Variants in ITGA8 observed in about 807,000 individuals in gnomAD.
ITGA8 encodes integrin alpha-8.
ITGA8 carries 91 observed loss-of-function variants against 142.3 expected under a neutral mutation model. The ratio of observed to expected loss-of-function variants is 0.64; its 90% CI spans 0.54 to 0.76. The LOEUF (loss-of-function observed/expected upper bound fraction) is 0.76, where lower values mean the gene tolerates loss of function less well. Among genes scored for constraint, ITGA8 ranks in the 30% least tolerant of loss-of-function variants. The pLI is 0.00. For missense variants in ITGA8, 1,406 were observed against 1,327.7 expected, an observed-to-expected ratio of 1.06 and a Z score of -0.92; for synonymous variants, 505 against 485.2, an observed-to-expected ratio of 1.04 and a Z score of -0.54.
At chr10:15,523,003 C>A (rs1407176477) in intron 28 of ITGA8, among the ~76,000 whole-genome samples, 2 of 149,844 alleles carry the variant, frequency 1.3e-5, no homozygotes, top group African/African-American at 2.5e-5. Context: ...TTGACAGAGC[C>A]AGGCTCAGTC....
chr10:15,605,576 G>T, intron 19 of ITGA8, 148 bp downstream of exon 19: 1 of 661,636 alleles, frequency 1.5e-6, no homozygotes, highest in Non-Finnish European at 2.7e-6. Flanking sequence ...CAAACCACAG[G>T]CTAACCCAAA....
chr10:15,692,597 G>A (rs1834956082), intron 2 of ITGA8, among the ~76,000 whole-genome samples: 1 of 152,148 alleles, frequency 6.6e-6, no homozygotes, highest in African/African-American at 2.4e-5. Flanking sequence ...TGTGTTAGCA[G>A]GAATCAGCAT....
At position 15,653,930 on chromosome 10, in the gene ITGA8, G is replaced by T. The variant is rs368948334; in HGVS notation, c.1001+1424C>A. 1.2e-4 allele frequency among the ~76,000 whole-genome samples: 18 copies of T among 151,754 alleles called. No homozygotes were observed. The East Asian group carries it at 3.1e-3, about 26-fold the overall frequency. On this transcript the variant is annotated intron_variant, in intron 11 of 29. Transcript: ENST00000378076. ...GCTCACTGCAACCTCTGCCTCCTGG[G>T]TTCAAGGGATTATCCTGCCTCAGCC... is the stretch of plus-strand genomic sequence containing the variant.
chr10:15,611,151 C>T (rs778409377), intron 15 of ITGA8, among the ~76,000 whole-genome samples: 7 of 152,160 alleles, frequency 4.6e-5, no homozygotes, highest in Middle Eastern at 3.4e-3. Context: ...AGAAAATCAA[C>T]GGAGACCTTT....
chr10:15,520,698 A>G (rs373499071), intron 28 of ITGA8, among the ~76,000 whole-genome samples: 1 of 152,330 alleles, frequency 6.6e-6, no homozygotes, highest in East Asian at 1.9e-4. Context: ...AGAGCGCTAC[A>G]TTATTCTTGG....
At chr10:15,672,394 GC>G (rs1238140576) in intron 7 of ITGA8, among the ~76,000 whole-genome samples, 1 of 152,138 alleles carries the variant, frequency 6.6e-6, no homozygotes, top group African/African-American at 2.4e-5. Flanking sequence ...TAGTTCATGT[GC>G]AAAAAACTGC....
chr10:15,708,666 A>G (rs151209742), intron 2 of ITGA8, among the ~76,000 whole-genome samples: 4 of 152,368 alleles, frequency 2.6e-5, no homozygotes, highest in African/African-American at 9.6e-5. Flanking sequence ...TAAAGATGGT[A>G]GATACAATTT....
chr10:15,688,699 C>T (rs1408678807), intron 2 of ITGA8, among the ~76,000 whole-genome samples: 1 of 152,138 alleles, frequency 6.6e-6, no homozygotes, highest in African/African-American at 2.4e-5. Context: ...GTCAACATAG[C>T]AAATCAATAC....
At chr10:15,687,282 T>C (rs1187578543) in intron 3 of ITGA8, among the ~76,000 whole-genome samples, 1 of 152,008 alleles carries the variant, frequency 6.6e-6, no homozygotes, top group African/African-American at 2.4e-5. Flanking sequence ...GTAAGGAAAT[T>C]AAAGCCAATA....
At chr10:15,544,719 T>A (rs1402525905) in intron 27 of ITGA8, among the ~76,000 whole-genome samples, 4 of 152,190 alleles carry the variant, frequency 2.6e-5, no homozygotes, top group African/African-American at 7.2e-5. Context: ...CACCCTTGTG[T>A]GGGTGCCTCG....
chr10:15,708,607 A>G (rs542765283), intron 2 of ITGA8, among the ~76,000 whole-genome samples: 1 of 152,276 alleles, frequency 6.6e-6, no homozygotes, highest in East Asian at 1.9e-4. Flanking sequence ...TTTTAATCAC[A>G]TTTCCCAAAG....
intron 8 of ITGA8, among the ~76,000 whole-genome samples, chr10:15,666,592 G>T (rs951931137): frequency 2.6e-5 from 4 of 152,136 alleles, no homozygotes; most frequent in African/African-American, 9.7e-5. Flanking sequence ...TCCCTGTCTT[G>T]TGCCAGTTTT....
intron 28 of ITGA8, among the ~76,000 whole-genome samples, chr10:15,522,478 G>A (rs377053778): frequency 6.6e-6 from 1 of 152,282 alleles, no homozygotes; most frequent in East Asian, 1.9e-4. Flanking sequence ...TGGAACTGAA[G>A]GGGACAGTAG....
intron 13 of ITGA8, among the ~76,000 whole-genome samples, chr10:15,640,104 C>T (rs891805366): frequency 1.3e-5 from 2 of 152,184 alleles, no homozygotes; most frequent in African/African-American, 2.4e-5. Flanking sequence ...GAACTGCAAC[C>T]GCTTGCAAAA....
At chr10:15,576,249 TGA>T (rs986080621) in intron 23 of ITGA8, among the ~76,000 whole-genome samples, 8 of 152,046 alleles carry the variant, frequency 5.3e-5, no homozygotes, top group Admixed American at 3.3e-4. Context: ...ATCTCAAGTG[TGA>T]GAGAGAGACA....
intron 26 of ITGA8, among the ~76,000 whole-genome samples, chr10:15,553,360 A>G (rs1833827098): frequency 6.7e-6 from 1 of 150,080 alleles, no homozygotes; most frequent in South Asian, 2.1e-4. Context: ...ATCATAACAA[A>G]TGCTTCATTT....
At chr10:15,529,097 T>C (rs1588626073) in intron 28 of ITGA8, among the ~76,000 whole-genome samples, 1 of 151,898 alleles carries the variant, frequency 6.6e-6, no homozygotes, top group African/African-American at 2.4e-5. Context: ...TCTTCCCTTC[T>C]TCCTTCCTTT....
chr10:15,558,060 C>T lies in ITGA8; in HGVS notation c.2766+14G>A. 6.2e-7 allele frequency: 1 copy of T among 1,613,652 alleles called. No homozygotes were observed. The highest frequency in any genetic ancestry group is 8.5e-7 in the Non-Finnish European group (1 of 1,180,004). On this transcript the variant is annotated intron_variant, in intron 26 of 29. Transcript: ENST00000378076. ...CTCATTTCCCTCAGTTCTATGCACA[C>T]TGGGATAACTCACCAGTATTTTTGC...
intron 2 of ITGA8, among the ~76,000 whole-genome samples, chr10:15,688,331 C>T (rs887052992): frequency 3.6e-5 from 5 of 138,908 alleles, no homozygotes; most frequent in Non-Finnish European, 6.2e-5. Context: ...AAATGCTGGG[C>T]GTGGTGGCTT....
Sources: gnomAD v4.1 joint callset for allele counts (sites outside exome capture counted in the v4.1 genomes callset) on GRCh38, gnomAD v4.1.1 for gene constraint, MANE v1.5 for transcripts, NCBI Gene and HGNC (gene_info 2026-07-23, HGNC 2026-07-21) for gene names.